Variants in KLHL35 observed in about 807,000 individuals in gnomAD.
KLHL35 encodes the protein kelch like family member 35, also known as kelch-like protein 35.
Under a neutral mutation model 44.0 loss-of-function variants are expected in KLHL35, and 50 were observed. The observed-to-expected ratio is 1.14, with a 90% CI of 0.91 to 1.44. The LOEUF (loss-of-function observed/expected upper bound fraction) is 1.44. Ranked by LOEUF, KLHL35 falls within the 40% of genes most tolerant of loss-of-function variation. The probability of loss-of-function intolerance (pLI) is 0.00; values close to 1 mark genes in which losing one functional copy is unlikely to be tolerated. For missense variants in KLHL35, 1,049 were observed against 887.8 expected, an observed-to-expected ratio of 1.18 and a Z score of -2.31; for synonymous variants, 470 against 410.4, an observed-to-expected ratio of 1.15 and a Z score of -1.76.
At position 75,430,599 on chromosome 11, in the gene KLHL35, C is replaced by T. The variant is rs1948529352; in HGVS notation, c.31G>A (p.Glu11Lys). 1.4e-6 allele frequency: 2 copies of T among 1,421,150 alleles called. No homozygotes were observed. Among genetic ancestry groups the T allele is most frequent in the Admixed American group, 2.9e-5 (1 of 34,208 alleles). 88.0% of individuals were successfully genotyped at this position (1,421,150 alleles called of 1,614,324 possible). A position where few individuals can be genotyped will look rare whatever the true frequency, so the allele number is the denominator to read the frequency against. ...GCGCACGGCGCTTCGCAGCCCGGCT[C>T]CGACTCCTCCGGCGCATGGCCTTGC... is the stretch of plus-strand genomic sequence containing the variant. The part of the protein sequence containing the change: MRQGHAPEES[E>K]PGCEAPCAGP... The change falls in exon 2 of 7, where the codon GAG becomes AAG. Residue 11 changes from glutamate to lysine, a missense_variant. Transcript: ENST00000539798.
rs1181592103 is a variant in KLHL35, at chr11:75,423,837, G to A, written c.1418C>T (p.Ser473Leu). 3.1e-6 allele frequency: 5 copies of A among 1,613,676 alleles called. No individual in the cohort carries two copies. The highest frequency in any genetic ancestry group is 4.2e-6 in the Non-Finnish European group (5 of 1,179,854). ...DPKEDRWSLRSPAPFSQRCLE... is the reference protein window; with the variant it reads ...DPKEDRWSLRLPAPFSQRCLE... The stretch of plus-strand genomic sequence containing the variant: ...ACACCGCTGTGAGAAGGGTGCTGGT[G>A]ACCGCAGGCTCCACCGGTCCTCCTT... Residue 473 changes from serine to leucine, a missense_variant, in exon 6 of 7, where the codon TCA becomes TTA. Coordinates refer to ENST00000539798, the MANE Select transcript of KLHL35 (RefSeq NM_001039548.3).
chr11:75,428,278 G>A (rs1302297741), intron 3 of KLHL35, among the ~76,000 whole-genome samples, 164 bp downstream of exon 3: 3 of 152,216 alleles, frequency 2.0e-5, no homozygotes, highest in Non-Finnish European at 4.4e-5. Context: ...CTGAATAAAG[G>A]GCGGGTCACA....
rs377070899 is a variant in KLHL35, at chr11:75,422,631, G to A, written c.1701C>T (p.Arg567=). The A allele has an allele frequency of 9.3e-6, 15 of 1,613,868 alleles. No homozygotes were observed. The African/African-American group carries it at 1.6e-4, about 17-fold the overall frequency. ...GQVEVQPSLQ[R]CTSSHGCVTI... is the part of the protein sequence containing the mutation. ...TGACACAGCCGTGGGAGCTGGTGCA[G>A]CGCTGCAGGGATGGCTGGACCTCCA... The change falls in exon 7 of 7, where the codon CGC becomes CGT. Residue 567 remains arginine, a synonymous_variant. Transcript: ENST00000539798.
Position 75,428,583 on chromosome 11 carries a change from C to T in KLHL35, c.925G>A (p.Asp309Asn), listed in dbSNP as rs754605674. Residue 309 changes from aspartate to asparagine, a missense_variant, in exon 3 of 7, where the codon GAC (aspartate) becomes AAC (asparagine). Physicochemically the swap from Asp to Asn is conservative, Grantham distance 23. Transcript: ENST00000539798. ...GGCAGCTTCAGGAGACCTTTGCGGT[C>T]GCAACCGCCGATGACCACGATCACT... ...AEVIVVIGGC[D>N]RKGLLKLPFA... 2.5e-6 allele frequency: 4 copies of T among 1,603,788 alleles called. No individual in the cohort carries two copies. Among genetic ancestry groups the T allele is most frequent in the South Asian group, 1.1e-5 (1 of 90,446 alleles).
In KLHL35 at chr11:75,422,632, C is replaced by T. The variant is rs774288909; in HGVS notation, c.1700G>A (p.Arg567His). The change falls in exon 7 of 7, where the codon CGC becomes CAC. Residue 567 changes from arginine to histidine, a missense_variant. Transcript: ENST00000539798. ...GQVEVQPSLQRCTSSHGCVTI... is the reference protein window; with the variant it reads ...GQVEVQPSLQHCTSSHGCVTI... ...GACACAGCCGTGGGAGCTGGTGCAGCGCTGCAGGGATGGCTGGACCTCCAC... is the reference window on the plus strand; with the variant it reads ...GACACAGCCGTGGGAGCTGGTGCAGTGCTGCAGGGATGGCTGGACCTCCAC... The T allele has an allele frequency of 2.0e-5, 33 of 1,613,860 alleles. No homozygotes were observed. In the East Asian group the frequency reaches 2.9e-4, roughly 14 times the overall value.
chr11:75,425,139 A>G, intron 5 of KLHL35, among the ~76,000 whole-genome samples: 1 of 152,120 alleles, frequency 6.6e-6, no homozygotes, highest in East Asian at 1.9e-4. Flanking sequence ...CTTGCCCTCA[A>G]TTTTTAAAAT....
chr11:75,428,346 G>A (rs1948507072), intron 3 of KLHL35, 96 bp downstream of exon 3: 1 of 1,385,460 alleles, frequency 7.2e-7, no homozygotes, highest in Admixed American at 2.2e-5. Context: ...AAAACATCCC[G>A]CCCCTCTCTC....
chr11:75,430,655 C>T, intron 1 of KLHL35, 25 bp from the exon 2 acceptor site: 2 of 1,323,400 alleles, frequency 1.5e-6, no homozygotes, highest in South Asian at 1.9e-5. Context: ...ACACAAACAG[C>T]GTCGGGGAAG....
In KLHL35 at chr11:75,428,543, T is replaced by G. The variant is rs764460701; in HGVS notation, c.965A>C (p.Tyr322Ser). ...GLLKLPFADA[Y>S]HPESQRWTPL... ...GGTCCACCGCTGGCTCTCTGGATGG[T>G]AGGCATCGGCGAAGGGCAGCTTCAG... Residue 322 changes from tyrosine (Y) to serine (S), a missense_variant, in exon 3 of 7, where the codon TAC becomes TCC. Coordinates refer to ENST00000539798, the MANE Select transcript of KLHL35 (RefSeq NM_001039548.3). 10 of 1,611,944 alleles carry G rather than the reference T, an allele frequency of 6.2e-6. No homozygotes were observed. Among genetic ancestry groups the G allele is most frequent in the Non-Finnish European group, 8.5e-7 (1 of 1,179,828 alleles).
At chr11:75,432,128 C>T (rs898333254) in intron 1 of KLHL35, among the ~76,000 whole-genome samples, 1 of 152,146 alleles carries the variant, frequency 6.6e-6, no homozygotes, top group African/African-American at 2.4e-5. Flanking sequence ...CCTCCAGGGA[C>T]AGGGAGCTCC....
At chr11:75,431,067 G>A (rs949939615) in intron 1 of KLHL35, among the ~76,000 whole-genome samples, 2 of 152,224 alleles carry the variant, frequency 1.3e-5, no homozygotes, top group African/African-American at 4.8e-5. Flanking sequence ...GGAAGTTACT[G>A]GAACCTGGAA....
In KLHL35 at chr11:75,428,652, T is replaced by G. The variant is rs753318587; in HGVS notation, c.882-26A>C. 16 of 1,537,924 alleles carry G rather than the reference T, an allele frequency of 1.0e-5. No homozygotes were observed. The African/African-American group carries it at 1.9e-4, about 18-fold the overall frequency. On this transcript the variant is annotated intron_variant, in intron 2 of 6. Coordinates refer to ENST00000539798, the MANE Select transcript of KLHL35 (RefSeq NM_001039548.3). ...CTGGCGTGCGGATAAGCCCAGTGCC[T>G]GTTGGGCCGCACCCAAGTTCGGCCC...
At chr11:75,429,675 G>A (rs187667874) in intron 2 of KLHL35, 74 bp downstream of exon 2, 81 of 1,375,140 alleles carry the variant, frequency 5.9e-5, no homozygotes, top group Middle Eastern at 5.3e-4. Flanking sequence ...ACTAAAAGAT[G>A]ATGAAAGAAT....
chr11:75,426,488 G>T, intron 4 of KLHL35, 32 bp downstream of exon 4: 1 of 1,456,972 alleles, frequency 6.9e-7, no homozygotes. Context: ...TGTACCTTGT[G>T]TCCCAGGGCA....
intron 5 of KLHL35, 43 bp downstream of exon 5, chr11:75,425,350 C>T (rs1190586092): frequency 1.7e-5 from 25 of 1,494,748 alleles, no homozygotes; most frequent in Non-Finnish European, 2.1e-5. Context: ...ACAGTGGGCA[C>T]CCCAGCCTTC....
At position 75,430,594 on chromosome 11, in the gene KLHL35, C is replaced by T. The variant is rs1391865421; in HGVS notation, c.36G>A (p.Pro12=). 4.2e-6 allele frequency: 6 copies of T among 1,423,240 alleles called. No homozygotes were observed. The highest frequency in any genetic ancestry group is 5.7e-5 in the Admixed American group (2 of 35,274). 88.2% of individuals were successfully genotyped at this position (1,423,240 alleles called of 1,614,324 possible). A position where few individuals can be genotyped will look rare whatever the true frequency, so the allele number is the denominator to read the frequency against. The change falls in exon 2 of 7, where the codon CCG becomes CCA. Residue 12 remains proline (P), a synonymous_variant. Coordinates refer to ENST00000539798, the MANE Select transcript of KLHL35 (RefSeq NM_001039548.3). ...RQGHAPEESE[P]GCEAPCAGPC... The stretch of plus-strand genomic sequence containing the variant: ...GACCCGCGCACGGCGCTTCGCAGCC[C>T]GGCTCCGACTCCTCCGGCGCATGGC...
intron 1 of KLHL35, among the ~76,000 whole-genome samples, chr11:75,431,082 A>G (rs907878427): frequency 2.0e-5 from 3 of 152,084 alleles, no homozygotes; most frequent in African/African-American, 7.2e-5. Context: ...CTGGAAATAT[A>G]TCTGTGTAAG....
chr11:75,428,334 A>G (rs952980339), intron 3 of KLHL35, 108 bp downstream of exon 3: 9 of 1,304,404 alleles, frequency 6.9e-6, no homozygotes, highest in Non-Finnish European at 9.4e-6. Flanking sequence ...GTAGGTTATC[A>G]GAAAACATCC....
chr11:75,427,551 T>C (rs1481534443), intron 3 of KLHL35, among the ~76,000 whole-genome samples: 1 of 152,220 alleles, frequency 6.6e-6, no homozygotes, highest in African/African-American at 2.4e-5. Flanking sequence ...CCAGTGGTAA[T>C]CTGTGGCCTG....
Sources: gnomAD v4.1 joint callset for allele counts (sites outside exome capture counted in the v4.1 genomes callset) on GRCh38, gnomAD v4.1.1 for gene constraint, MANE v1.5 for transcripts, NCBI Gene and HGNC (gene_info 2026-07-23, HGNC 2026-07-21) for gene names.